Variants in STXBP6 observed in about 807,000 individuals in gnomAD.
STXBP6 encodes the protein syntaxin binding protein 6, also known as syntaxin-binding protein 6.
Under a neutral mutation model 26.9 loss-of-function variants are expected in STXBP6, and 21 were observed. That is an observed-to-expected ratio of 0.78 (90% CI 0.55 to 1.12). STXBP6 has a LOEUF of 1.12. Ranked by LOEUF, STXBP6 falls within the 50% of genes most tolerant of loss-of-function variation. The pLI, the probability that STXBP6 is intolerant of heterozygous loss-of-function variation, is 0.00. For synonymous variants in STXBP6, 97 were observed against 92.6 expected, an observed-to-expected ratio of 1.05 and a Z score of -0.27; for missense variants, 232 against 257.9, an observed-to-expected ratio of 0.90 and a Z score of 0.69.
At chr14:24,960,624 G>A (rs1057261191) in intron 2 of STXBP6, among the ~76,000 whole-genome samples, 33 of 152,140 alleles carry the variant, frequency 2.2e-4, no homozygotes, top group African/African-American at 8.0e-4. Context: ...CGATGGGCAC[G>A]TTCTGCTTCA....
intron 1 of STXBP6, among the ~76,000 whole-genome samples, chr14:24,998,922 G>A (rs550105868): frequency 8.5e-5 from 13 of 152,238 alleles, no homozygotes; most frequent in East Asian, 1.9e-4. Context: ...ATTCTTATGG[G>A]AGAAAATAAT....
intron 2 of STXBP6, among the ~76,000 whole-genome samples, chr14:24,924,347 C>G (rs1202830477): frequency 1.3e-5 from 2 of 152,062 alleles, no homozygotes; most frequent in Admixed American, 1.3e-4. Flanking sequence ...TAAAAAAAGA[C>G]CAAAACTGAA....
intron 1 of STXBP6, among the ~76,000 whole-genome samples, chr14:24,993,925 T>A (rs1043034483): frequency 6.6e-6 from 1 of 152,148 alleles, no homozygotes; most frequent in Non-Finnish European, 1.5e-5. Flanking sequence ...TGAGTTTTCT[T>A]GGTTTAGCTA....
intron 1 of STXBP6, among the ~76,000 whole-genome samples, chr14:25,006,964 G>T (rs912304): frequency 0.44 from 67,631 of 152,070 alleles, 17,692 homozygotes; most frequent in African/African-American, 0.73. Flanking sequence ...CACACACTCC[G>T]ACATTAGTTA....
At chr14:25,027,921 G>C (rs748734334) in intron 1 of STXBP6, among the ~76,000 whole-genome samples, 4 of 152,200 alleles carry the variant, frequency 2.6e-5, no homozygotes, top group Non-Finnish European at 5.9e-5. Context: ...ATTCCCTTAA[G>C]CCAAAGCCTA....
intron 2 of STXBP6, among the ~76,000 whole-genome samples, chr14:24,951,105 T>C (rs954891624): frequency 6.6e-6 from 1 of 152,218 alleles, no homozygotes; most frequent in African/African-American, 2.4e-5. Flanking sequence ...TTCCATGGTG[T>C]ATATGTGCCA....
rs182025733 is a variant in STXBP6 at position 24,823,635 on chromosome 14, G to C, written c.452-4441C>G. Among the ~76,000 whole-genome samples, 31 of 152,230 alleles carry C rather than the reference G, an allele frequency of 2.0e-4. 1 individual carries two copies. The East Asian group carries it at 6.0e-3, about 29-fold the overall frequency. ...ATAAATATATGCCCATCTATACTCAGTGCTGAGTCAATGTGCTTATCTAAG... is the reference window on the plus strand; with the variant it reads ...ATAAATATATGCCCATCTATACTCACTGCTGAGTCAATGTGCTTATCTAAG... On this transcript the variant is annotated intron_variant, in intron 4 of 5. Transcript: ENST00000323944.
At chr14:24,990,648 A>G (rs1042859586) in intron 1 of STXBP6, among the ~76,000 whole-genome samples, 18 of 133,078 alleles carry the variant, frequency 1.4e-4, no homozygotes, top group African/African-American at 5.0e-4. Flanking sequence ...TGAGTGAATG[A>G]AACTCCATCT....
At chr14:24,905,174 C>A (rs1957759) in intron 2 of STXBP6, among the ~76,000 whole-genome samples, 115,600 of 152,098 alleles carry the variant, frequency 0.76, 44,776 homozygotes, top group African/African-American at 0.92. Flanking sequence ...AAATAGGATT[C>A]ATTCAGACTT....
chr14:25,016,691 T>C (rs1424342131), intron 1 of STXBP6, among the ~76,000 whole-genome samples: 1 of 152,206 alleles, frequency 6.6e-6, no homozygotes, highest in East Asian at 1.9e-4. Flanking sequence ...GGGAGACTCC[T>C]GGTTTGTGAA....
intron 2 of STXBP6, among the ~76,000 whole-genome samples, chr14:24,969,943 C>T (rs2073851786): frequency 6.6e-6 from 1 of 152,258 alleles, no homozygotes; most frequent in Non-Finnish European, 1.5e-5. Flanking sequence ...AAAAGTGTTT[C>T]TAAAGTAATC....
At chr14:24,998,578 A>G (rs146742766) in intron 1 of STXBP6, among the ~76,000 whole-genome samples, 5 of 152,296 alleles carry the variant, frequency 3.3e-5, no homozygotes, top group African/African-American at 1.2e-4. Flanking sequence ...CCTCTTGTGT[A>G]GGACTCTTTT....
chr14:24,839,560 T>C (rs1170067331), intron 4 of STXBP6, among the ~76,000 whole-genome samples: 1 of 152,164 alleles, frequency 6.6e-6, no homozygotes, highest in Non-Finnish European at 1.5e-5. Context: ...ATCACATCTC[T>C]GAGGTGACTG....
intron 1 of STXBP6, among the ~76,000 whole-genome samples, chr14:25,029,536 A>G (rs2075412357): frequency 6.6e-6 from 1 of 152,178 alleles, no homozygotes; most frequent in Non-Finnish European, 1.5e-5. Flanking sequence ...AATTTGTGTG[A>G]CTTACTTTAT....
chr14:25,022,619 T>C (rs914865073), intron 1 of STXBP6, among the ~76,000 whole-genome samples: 2 of 152,230 alleles, frequency 1.3e-5, no homozygotes, highest in African/African-American at 4.8e-5. Flanking sequence ...CATAAACATA[T>C]GCTACAGCAA....
At chr14:24,986,727 G>C (rs2074342365) in intron 1 of STXBP6, among the ~76,000 whole-genome samples, 1 of 152,204 alleles carries the variant, frequency 6.6e-6, no homozygotes. Context: ...GAATTATCCT[G>C]ATTTCCACAC....
chr14:24,962,974 TA>T (rs1189377341), intron 2 of STXBP6, among the ~76,000 whole-genome samples: 1 of 151,960 alleles, frequency 6.6e-6, no homozygotes, highest in African/African-American at 2.4e-5. Flanking sequence ...AATAAGTGTA[TA>T]AAAAATAAAA....
At chr14:25,036,901 T>C (rs1226400811) in intron 1 of STXBP6, among the ~76,000 whole-genome samples, 1 of 151,306 alleles carries the variant, frequency 6.6e-6, no homozygotes, top group African/African-American at 2.4e-5. Flanking sequence ...CTTCCTCTAC[T>C]GGTCAGATTT....
chr14:24,954,980 A>G (rs1209069150), intron 2 of STXBP6, among the ~76,000 whole-genome samples: 1 of 152,228 alleles, frequency 6.6e-6, no homozygotes, highest in Non-Finnish European at 1.5e-5. Context: ...GCATCTGAAG[A>G]AAGGAGGTAA....
Sources: allele counts gnomAD v4.1 joint callset (sites outside exome capture counted in the v4.1 genomes callset), GRCh38; gene constraint gnomAD v4.1.1; transcripts MANE v1.5; gene names NCBI Gene and HGNC (gene_info 2026-07-23, HGNC 2026-07-21).